The following TRMT10C variants were observed in gnomAD, a reference collection of about 807,000 sequenced individuals.
TRMT10C encodes tRNA methyltransferase 10C, mitochondrial RNase P subunit.
In TRMT10C, 14 loss-of-function variants were observed where a neutral mutation model predicts 27.4. That is an observed-to-expected ratio of 0.51 (90% CI 0.34 to 0.80). The LOEUF (loss-of-function observed/expected upper bound fraction) is 0.80, where lower values mean the gene tolerates loss of function less well. Among genes scored for constraint, TRMT10C ranks in the 30% least tolerant of loss-of-function variants. The probability of loss-of-function intolerance (pLI) is 0.02; values close to 1 mark genes in which losing one functional copy is unlikely to be tolerated. For missense variants in TRMT10C, 438 were observed against 464.8 expected (o/e 0.94, Z 0.53); for synonymous variants, 143 against 155.9 (o/e 0.92, Z 0.62).
intron 1 of TRMT10C, among the ~76,000 whole-genome samples, chr3:101,562,993 A>G (rs771919685): frequency 1.1e-4 from 16 of 152,234 alleles, no homozygotes; most frequent in Middle Eastern, 3.2e-3. Context: ...AAGCTTAGAA[A>G]TATATGTTGG....
chr3:101,565,432 A>G lies in TRMT10C; in HGVS notation c.651A>G (p.Arg217=), dbSNP rs1934495113. The change falls in exon 2 of 2, where the codon CGA becomes CGG. Residue 217 remains arginine (R), a synonymous_variant. Transcript: ENST00000309922. ...TGGCTTACGAAAATTATATGAAACG[A>G]AAAGAATTGCAGAATACTGTTTCCC... The part of the protein sequence containing the change: ...FDMAYENYMK[R]KELQNTVSQL... 2 of 1,614,226 alleles carry G rather than the reference A, an allele frequency of 1.2e-6. No homozygotes were observed. Among genetic ancestry groups the G allele is most frequent in the Admixed American group, 1.7e-5 (1 of 60,026 alleles).
chr3:101,566,420 G>A lies in TRMT10C; in HGVS notation c.*427G>A, dbSNP rs1934516733. 2 of 154,630 alleles carry A rather than the reference G, an allele frequency of 1.3e-5. No individual in the cohort carries two copies. Among genetic ancestry groups the A allele is most frequent in the Admixed American group, 6.4e-5 (1 of 15,608 alleles). 9.6% of individuals were successfully genotyped at this position (154,630 alleles called of 1,614,324 possible). On this transcript the variant is annotated 3_prime_UTR_variant, in exon 2 of 2. Coordinates refer to ENST00000309922, the MANE Select transcript of TRMT10C (RefSeq NM_017819.4). ...TGTATGTTTTGTAATATCTTTTACA[G>A]TAAACTGGTAAATGTGTTTCCTTCA...
chr3:101,565,722 A>T lies in TRMT10C; in HGVS notation c.941A>T (p.Asp314Val). The change falls in exon 2 of 2, where the codon GAT becomes GTT. Residue 314 changes from aspartate (D) to valine (V), a missense_variant. Physicochemically the swap from Asp to Val is radical, Grantham distance 152. This residue lies in a region of TRMT10C where 350 missense variants were observed against 370.5 expected (regional missense o/e 0.94). Coordinates refer to ENST00000309922, the MANE Select transcript of TRMT10C (RefSeq NM_017819.4). ...DKVYVIGSFV[D>V]KSMQPGTSLA... ...GTTTATGTAATTGGGTCTTTTGTTG[A>T]TAAGAGTATGCAGCCAGGCACATCC... The T allele has an allele frequency of 6.2e-7, 1 of 1,614,222 alleles. No individual in the cohort carries two copies. The highest frequency in any genetic ancestry group is 8.5e-7 in the Non-Finnish European group (1 of 1,180,042).
At chr3:101,562,674 C>CT (rs1200636623) in intron 1 of TRMT10C, among the ~76,000 whole-genome samples, 4 of 150,368 alleles carry the variant, frequency 2.7e-5, no homozygotes, top group African/African-American at 9.8e-5. Context: ...GGAGGCTGAA[C>CT]TTTTTTTTTC....
Position 101,564,988 on chromosome 3 carries a change from C to T in TRMT10C, c.207C>T (p.Thr69=), listed in dbSNP as rs916218494. 1 of 1,613,674 alleles carries T rather than the reference C, an allele frequency of 6.2e-7. No homozygotes were observed. The highest frequency in any genetic ancestry group is 8.5e-7 in the Non-Finnish European group (1 of 1,179,924). The part of the protein sequence containing the change: ...EELELDKWKT[T]MKSSVQEECV... ...TAGAGTTGGATAAGTGGAAAACTAC[C>T]ATGAAATCTAGTGTGCAAGAAGAAT... Residue 69 remains threonine, a synonymous_variant, in exon 2 of 2, where the codon ACC becomes ACT. Transcript: ENST00000309922.
rs762784031 is a variant in TRMT10C at position 101,565,388 on chromosome 3, C to T, written c.607C>T (p.Gln203Ter). The part of the protein sequence containing the change: ...WKGAQAMQFG[Q>*]PLVFDMAYEN... ...GGGTGCCCAGGCCATGCAGTTTGGA[C>T]AACCTTTGGTTTTTGACATGGCTTA... Residue 203 changes from glutamine (Q) to a stop codon, truncating the protein, a stop_gained, in exon 2 of 2, where the codon CAA (glutamine) becomes TAA (stop). Transcript: ENST00000309922. LOFTEE classifies it high-confidence loss of function. 1 of 1,614,148 alleles carries T rather than the reference C, an allele frequency of 6.2e-7. No homozygotes were observed.
intron 1 of TRMT10C, among the ~76,000 whole-genome samples, chr3:101,563,930 C>G (rs374819177): frequency 1.1e-4 from 16 of 152,252 alleles, no homozygotes; most frequent in South Asian, 6.2e-4. Context: ...ATTTTTTGAT[C>G]AGTAGATCTT....
Position 101,565,231 on chromosome 3 carries a change from G to T in TRMT10C, c.450G>T (p.Lys150Asn). 6.2e-7 allele frequency: 1 copy of T among 1,604,404 alleles called. No individual in the cohort carries two copies. The highest frequency in any genetic ancestry group is 1.7e-5 in the Admixed American group (1 of 58,616). The change falls in exon 2 of 2, where the codon AAG becomes AAT. Residue 150 changes from lysine (K) to asparagine (N), a missense_variant. Physicochemically the swap from Lys to Asn is moderately conservative, Grantham distance 94 (BLOSUM62 0). Coordinates refer to ENST00000309922, the MANE Select transcript of TRMT10C (RefSeq NM_017819.4). ...EKVKKARQIK[K>N]EMKAAAREEA... ...TGAAAAAAGCTAGGCAAATAAAAAA[G>T]GAAATGAAAGCAGCAGCAAGGGAAG...
At position 101,565,422 on chromosome 3, in the gene TRMT10C, A is replaced by C. The variant is rs1934494808; in HGVS notation, c.641A>C (p.Tyr214Ser). Residue 214 changes from tyrosine (Y) to serine (S), a missense_variant, in exon 2 of 2, where the codon TAT (tyrosine) becomes TCT (serine). By Grantham distance (144) the Tyr-to-Ser change is moderately radical. Coordinates refer to ENST00000309922, the MANE Select transcript of TRMT10C (RefSeq NM_017819.4). ...GTTTTTGACATGGCTTACGAAAATT[A>C]TATGAAACGAAAAGAATTGCAGAAT... is the stretch of plus-strand genomic sequence containing the variant. ...PLVFDMAYEN[Y>S]MKRKELQNTV... 1 of 1,614,212 alleles carries C rather than the reference A, an allele frequency of 6.2e-7. No homozygotes were observed. The highest frequency in any genetic ancestry group is 8.5e-7 in the Non-Finnish European group (1 of 1,180,018).
In TRMT10C at chr3:101,564,980, A is replaced by G. The variant is rs1036045443; in HGVS notation, c.199A>G (p.Lys67Glu). The change falls in exon 2 of 2, where the codon AAA becomes GAA. Residue 67 changes from lysine to glutamate, a missense_variant. Transcript: ENST00000309922. ...PSEELELDKW[K>E]TTMKSSVQEE... ...TGAAGAGCTAGAGTTGGATAAGTGG[A>G]AAACTACCATGAAATCTAGTGTGCA... 6.2e-7 allele frequency: 1 copy of G among 1,613,744 alleles called. No homozygotes were observed. Among genetic ancestry groups the G allele is most frequent in the Non-Finnish European group, 8.5e-7 (1 of 1,179,832 alleles).
At position 101,561,929 on chromosome 3, in the gene TRMT10C, C is replaced by G. The variant is rs1331052616; in HGVS notation, c.-87C>G. ...AGCTTCGGCGCGGATCCCTGGGCGTCCGTACGTCGGAGTCCTTCGTCCTCC... is the reference window on the plus strand; with the variant it reads ...AGCTTCGGCGCGGATCCCTGGGCGTGCGTACGTCGGAGTCCTTCGTCCTCC... On this transcript the variant is annotated 5_prime_UTR_variant, in exon 1 of 2. Coordinates refer to ENST00000309922, the MANE Select transcript of TRMT10C (RefSeq NM_017819.4). The G allele has an allele frequency of 6.5e-6, 1 of 152,932 alleles. No individual in the cohort carries two copies. The highest frequency in any genetic ancestry group is 2.4e-5 in the African/African-American group (1 of 41,474). The allele number at this position is 152,932 out of a possible 1,614,324, so 9.5% of individuals were successfully genotyped here.
chr3:101,563,090 G>A (rs535411758), intron 1 of TRMT10C, among the ~76,000 whole-genome samples: 1 of 152,204 alleles, frequency 6.6e-6, no homozygotes, highest in South Asian at 2.1e-4. Flanking sequence ...GGGTTATTTC[G>A]ATTTGTTGCG....
intron 1 of TRMT10C, among the ~76,000 whole-genome samples, 196 bp from the exon 2 acceptor site, chr3:101,564,574 G>C (rs1934477160): frequency 6.6e-6 from 1 of 151,978 alleles, no homozygotes; most frequent in Non-Finnish European, 1.5e-5. Flanking sequence ...ACCCAACTAA[G>C]TTTTAAACTT....
In TRMT10C at chr3:101,565,350, C is replaced by A; in HGVS notation, c.569C>A (p.Ala190Glu). The A allele has an allele frequency of 6.2e-7, 1 of 1,614,106 alleles. No homozygotes were observed. The highest frequency in any genetic ancestry group is 1.6e-4 in the Middle Eastern group (1 of 6,062). ...CTTTGGGATAGGAATATGGACATAG[C>A]AATGGGCTGGAAGGGTGCCCAGGCC... ...LRLWDRNMDI[A>E]MGWKGAQAMQ... Residue 190 changes from alanine (A) to glutamate (E), a missense_variant, in exon 2 of 2, where the codon GCA becomes GAA. Physicochemically the swap from Ala to Glu is moderately radical, Grantham distance 107 (BLOSUM62 -1). Around this residue, in one of 3 missense-constraint regions of TRMT10C, gnomAD observed 350 missense variants for 370.5 expected, o/e 0.94. Transcript: ENST00000309922.
chr3:101,563,538 GA>G (rs202190430), intron 1 of TRMT10C, among the ~76,000 whole-genome samples: 2 of 151,722 alleles, frequency 1.3e-5, no homozygotes, highest in African/African-American at 4.8e-5. Flanking sequence ...TGTATAGATT[GA>G]AAAAAAAGAA....
At chr3:101,563,367 A>T (rs1419530257) in intron 1 of TRMT10C, among the ~76,000 whole-genome samples, 1 of 152,170 alleles carries the variant, frequency 6.6e-6, no homozygotes, top group African/African-American at 2.4e-5. Flanking sequence ...CATGTTGGTC[A>T]GGCTGGTCTC....
Position 101,564,888 on chromosome 3 carries a change from T to C in TRMT10C, c.107T>C (p.Leu36Ser). 6.2e-7 allele frequency: 1 copy of C among 1,614,100 alleles called. No individual in the cohort carries two copies. The highest frequency in any genetic ancestry group is 8.5e-7 in the Non-Finnish European group (1 of 1,180,012). The change falls in exon 2 of 2, where the codon TTG becomes TCG. Residue 36 changes from leucine to serine, a missense_variant. By Grantham distance (145) the Leu-to-Ser change is moderately radical. This residue lies in a region of TRMT10C where 350 missense variants were observed against 370.5 expected (regional missense o/e 0.94). Transcript: ENST00000309922. ...LHRKRNNLTI[L>S]QRYMSSKIPA... ...AGGAAGAGAAATAACTTAACAATTT[T>C]GCAGAGATACATGTCTTCCAAAATA...
Position 101,565,451 on chromosome 3 carries a change from G to A in TRMT10C, c.670G>A (p.Val224Ile). ...GAAACGAAAAGAATTGCAGAATACT[G>A]TTTCCCAGCTTTTAGAAAGTGAAGG... Reference protein sequence around the residue: ...YMKRKELQNTVSQLLESEGWN... With the variant: ...YMKRKELQNTISQLLESEGWN... Residue 224 changes from valine to isoleucine, a missense_variant, in exon 2 of 2, where the codon GTT becomes ATT. Physicochemically the swap from Val to Ile is conservative, Grantham distance 29. Around this residue, in one of 3 missense-constraint regions of TRMT10C, gnomAD observed 350 missense variants for 370.5 expected, o/e 0.94. Transcript: ENST00000309922. The A allele has an allele frequency of 6.2e-6, 10 of 1,614,124 alleles. No homozygotes were observed. The highest frequency in any genetic ancestry group is 1.6e-4 in the Middle Eastern group (1 of 6,062).
Position 101,565,074 on chromosome 3 carries a change from T to C in TRMT10C, c.293T>C (p.Ile98Thr), listed in dbSNP as rs567373211. 8.1e-6 allele frequency: 13 copies of C among 1,613,996 alleles called. No homozygotes were observed. Among genetic ancestry groups the C allele is most frequent in the African/African-American group, 6.7e-5 (5 of 75,002 alleles). Residue 98 changes from isoleucine (I) to threonine (T), a missense_variant, in exon 2 of 2, where the codon ATT (isoleucine) becomes ACT (threonine). Ile to Thr is a moderately conservative substitution (Grantham distance 89). Around this residue, in one of 3 missense-constraint regions of TRMT10C, gnomAD observed 350 missense variants for 370.5 expected, o/e 0.94. Transcript: ENST00000309922. ...EDPLAATREF[I>T]EMWRLLGREV... Reference sequence around the variant, plus strand: ...CCTCTAGCTGCCACCAGAGAGTTCATTGAGATGTGGAGATTGCTTGGCAGA... The same window carrying C: ...CCTCTAGCTGCCACCAGAGAGTTCACTGAGATGTGGAGATTGCTTGGCAGA...
Sources: allele counts gnomAD v4.1 joint callset (sites outside exome capture counted in the v4.1 genomes callset), GRCh38; gene constraint gnomAD v4.1.1; regional missense constraint gnomAD v4.1.1; transcripts MANE v1.5; gene names NCBI Gene and HGNC (gene_info 2026-07-23, HGNC 2026-07-21).